The following RANBP17 variants were observed in gnomAD, a reference collection of about 807,000 sequenced individuals.
The protein encoded by RANBP17 is ran-binding protein 17.
RANBP17 carries 158 observed loss-of-function variants against 141.2 expected under a neutral mutation model. The ratio of observed to expected loss-of-function variants is 1.12; its 90% CI spans 0.98 to 1.28. RANBP17 has a LOEUF of 1.28. Among genes scored for constraint, RANBP17 ranks in the 50% most tolerant of loss-of-function variants. The pLI is 0.00. For synonymous variants in RANBP17, 430 were observed against 450.0 expected (o/e 0.96, Z 0.56); for missense variants, 1,438 against 1,290.7 (o/e 1.11, Z -1.75).
intron 14 of RANBP17, among the ~76,000 whole-genome samples, chr5:171,152,225 CA>C (rs1194573762): frequency 6.6e-6 from 1 of 150,808 alleles, no homozygotes; most frequent in East Asian, 2.0e-4. Flanking sequence ...CCAGCCTGGC[CA>C]ACATGGTGAA....
chr5:171,179,738 T>C (rs986869105), intron 16 of RANBP17, among the ~76,000 whole-genome samples: 4 of 152,156 alleles, frequency 2.6e-5, no homozygotes, highest in Admixed American at 6.5e-5. Context: ...TACTTTTTCT[T>C]AGTAGTACAT....
At chr5:170,883,305 G>A (rs993824286) in intron 3 of RANBP17, among the ~76,000 whole-genome samples, 4 of 152,096 alleles carry the variant, frequency 2.6e-5, no homozygotes, top group African/African-American at 9.7e-5. Context: ...GCAGTTTTGG[G>A]TTCACAGCAA....
At chr5:170,953,264 A>G (rs1347198944) in intron 12 of RANBP17, among the ~76,000 whole-genome samples, 1 of 152,122 alleles carries the variant, frequency 6.6e-6, no homozygotes, top group African/African-American at 2.4e-5. Context: ...ATTTATTTTC[A>G]GTCATGTCTT....
At chr5:170,996,306 G>A (rs1202798320) in intron 14 of RANBP17, among the ~76,000 whole-genome samples, 1 of 152,072 alleles carries the variant, frequency 6.6e-6, no homozygotes, top group Non-Finnish European at 1.5e-5. Flanking sequence ...AGACAATAAT[G>A]TCAATGAAAT....
At chr5:171,206,521 A>AC (rs1276568879) in intron 20 of RANBP17, 2 of 158,062 alleles carry the variant, frequency 1.3e-5, no homozygotes, top group African/African-American at 4.8e-5. Flanking sequence ...TATGCATGAA[A>AC]CCATCAGAGC....
intron 14 of RANBP17, among the ~76,000 whole-genome samples, chr5:171,012,121 T>C (rs1780101225): frequency 6.6e-6 from 1 of 151,866 alleles, no homozygotes; most frequent in Admixed American, 6.6e-5. Flanking sequence ...TTTAAACAAA[T>C]AATATAATTT....
At chr5:171,278,303 G>A (rs1767657462) in intron 25 of RANBP17, among the ~76,000 whole-genome samples, 3 of 152,042 alleles carry the variant, frequency 2.0e-5, no homozygotes, top group Admixed American at 2.0e-4. Context: ...TGGATCATGA[G>A]GTCAGGAGTT....
chr5:171,176,805 G>A (rs1760514007), intron 16 of RANBP17, among the ~76,000 whole-genome samples: 1 of 152,172 alleles, frequency 6.6e-6, no homozygotes, highest in African/African-American at 2.4e-5. Flanking sequence ...ACCAAGTAAT[G>A]TGCAAACCAG....
At position 170,909,731 on chromosome 5, in the gene RANBP17, A is replaced by G. The variant is rs781659467; in HGVS notation, c.560A>G (p.Asp187Gly). Residue 187 changes from aspartate (D) to glycine (G), a missense_variant, in exon 6 of 28, where the codon GAC becomes GGC. By Grantham distance (94) the Asp-to-Gly change is moderately conservative. Transcript: ENST00000523189. ...TCATTTCGTGATACTTCTCTCAAAGACGTTTTAGTGCTAGCATGCTCTCTT... is the reference window on the plus strand; with the variant it reads ...TCATTTCGTGATACTTCTCTCAAAGGCGTTTTAGTGCTAGCATGCTCTCTT... ...ATSFRDTSLK[D>G]VLVLACSLLK... The G allele has an allele frequency of 6.3e-7, 1 of 1,589,072 alleles. No homozygotes were observed. The highest frequency in any genetic ancestry group is 1.7e-5 in the Admixed American group (1 of 59,462).
chr5:171,108,022 A>G (rs1754970818), intron 14 of RANBP17, among the ~76,000 whole-genome samples: 1 of 152,214 alleles, frequency 6.6e-6, no homozygotes, highest in Non-Finnish European at 1.5e-5. Flanking sequence ...AGAATGTTCT[A>G]TTGGCTTAGG....
At chr5:171,101,401 C>G (rs1787152288) in intron 14 of RANBP17, among the ~76,000 whole-genome samples, 1 of 152,150 alleles carries the variant, frequency 6.6e-6, no homozygotes, top group Non-Finnish European at 1.5e-5. Context: ...TCTGTTTTAT[C>G]AAGGGCGAAG....
chr5:171,075,038 T>G (rs970819967), intron 14 of RANBP17, among the ~76,000 whole-genome samples: 11 of 152,040 alleles, frequency 7.2e-5, no homozygotes, highest in African/African-American at 2.4e-4. Context: ...GCAAAATTTT[T>G]TTTTGTGAAA....
intron 14 of RANBP17, among the ~76,000 whole-genome samples, chr5:171,010,870 TG>T (rs1441325106): frequency 2.6e-5 from 4 of 152,138 alleles, no homozygotes; most frequent in African/African-American, 9.7e-5. Context: ...AATGGAAACT[TG>T]TAAGTGGGTT....
intron 14 of RANBP17, among the ~76,000 whole-genome samples, chr5:171,103,898 C>T (rs1257279534): frequency 6.6e-6 from 1 of 152,162 alleles, no homozygotes; most frequent in Non-Finnish European, 1.5e-5. Flanking sequence ...GGTGCCCCAC[C>T]CACCCTTCTT....
rs150792035 is a variant in RANBP17, at chr5:171,073,594, T to G, written c.1711-96536T>G. On this transcript the variant is annotated intron_variant, in intron 14 of 27. Transcript: ENST00000523189. ...TAATATGTATATGGATAAATATATA[T>G]AGAACTAACCTCAGATATGAGTGGA... Among the ~76,000 whole-genome samples the G allele has an allele frequency of 8.5e-3, 1,292 of 152,240 alleles. 21 individuals are homozygous for G. The highest frequency in any genetic ancestry group is 0.03 in the African/African-American group (1,233 of 41,524).
chr5:171,186,005 C>A (rs2127927212), intron 18 of RANBP17, among the ~76,000 whole-genome samples: 1 of 152,296 alleles, frequency 6.6e-6, no homozygotes, highest in Non-Finnish European at 1.5e-5. Context: ...GATGTGCTGT[C>A]ATCCAGGCTT....
At chr5:171,043,154 T>C (rs866623234) in intron 14 of RANBP17, among the ~76,000 whole-genome samples, 4 of 152,336 alleles carry the variant, frequency 2.6e-5, no homozygotes, top group Middle Eastern at 6.8e-3. Flanking sequence ...TCAGTAATTC[T>C]TTTTGAGACA....
At chr5:171,167,024 A>T (rs1409257425) in intron 14 of RANBP17, among the ~76,000 whole-genome samples, 1 of 152,234 alleles carries the variant, frequency 6.6e-6, no homozygotes, top group Admixed American at 6.5e-5. Flanking sequence ...ATGGGAATCA[A>T]AGCTAATGGA....
At chr5:171,160,114 A>G (rs138838302) in intron 14 of RANBP17, among the ~76,000 whole-genome samples, 85 of 152,206 alleles carry the variant, frequency 5.6e-4, no homozygotes, top group African/African-American at 2.0e-3. Context: ...AAAGCTTTGA[A>G]TCTGGCAATA....
Sources: gnomAD v4.1 joint callset for allele counts (sites outside exome capture counted in the v4.1 genomes callset) on GRCh38, gnomAD v4.1.1 for gene constraint, MANE v1.5 for transcripts, NCBI Gene and HGNC (gene_info 2026-07-23, HGNC 2026-07-21) for gene names.